Variants in RUNX3 observed in about 807,000 individuals in gnomAD.
The protein encoded by RUNX3 is runt-related transcription factor 3.
In RUNX3, 10 loss-of-function variants were observed where a neutral mutation model predicts 27.7. That is an observed-to-expected ratio of 0.36 (90% CI 0.22 to 0.61). RUNX3 has a LOEUF of 0.61. RUNX3 is among the 20% of genes least tolerant of loss of function. RUNX3 has a pLI of 0.72. For missense variants in RUNX3, 469 were observed against 629.5 expected (o/e 0.75, Z 2.73); for synonymous variants, 270 against 269.2 (o/e 1.00, Z -0.03).
chr1:24,903,999 G>A (rs1039048342), intron 4 of RUNX3, among the ~76,000 whole-genome samples: 6 of 152,214 alleles, frequency 3.9e-5, no homozygotes, highest in African/African-American at 1.4e-4. Flanking sequence ...TGTGGCTGTG[G>A]TGTCTCTTAC....
chr1:24,937,207 C>T (rs920253205), intron 2 of RUNX3, among the ~76,000 whole-genome samples: 36 of 152,328 alleles, frequency 2.4e-4, no homozygotes, highest in African/African-American at 7.9e-4. Flanking sequence ...GAGGCAGGGC[C>T]GGCTTTCTGG....
At chr1:24,959,996 T>A (rs1166246817) in intron 2 of RUNX3, among the ~76,000 whole-genome samples, 1 of 152,176 alleles carries the variant, frequency 6.6e-6, no homozygotes, top group African/African-American at 2.4e-5. Context: ...CTTTGTTACC[T>A]CTTTACCCTT....
intron 3 of RUNX3, among the ~76,000 whole-genome samples, chr1:24,918,485 G>C (rs1640931572): frequency 6.6e-6 from 1 of 152,208 alleles, no homozygotes. Flanking sequence ...GAGAAAGAGA[G>C]GGGTGGGCCA....
At chr1:24,958,667 C>T (rs1642014348) in intron 2 of RUNX3, among the ~76,000 whole-genome samples, 1 of 152,202 alleles carries the variant, frequency 6.6e-6, no homozygotes, top group Admixed American at 6.5e-5. Flanking sequence ...GGCAATCTTT[C>T]TTCCCTCCAC....
chr1:24,910,318 G>C (rs1452445300), intron 3 of RUNX3, among the ~76,000 whole-genome samples: 1 of 151,850 alleles, frequency 6.6e-6, no homozygotes, highest in Admixed American at 6.6e-5. Context: ...AATGTGGGAG[G>C]GGGTAAGGGG....
At chr1:24,939,349 A>G (rs1394046569) in intron 2 of RUNX3, among the ~76,000 whole-genome samples, 2 of 152,250 alleles carry the variant, frequency 1.3e-5, no homozygotes, top group Non-Finnish European at 2.9e-5. Flanking sequence ...GTGCAGCCAC[A>G]GGTGCAAACA....
intron 4 of RUNX3, among the ~76,000 whole-genome samples, chr1:24,906,869 G>T (rs1444524332): frequency 1.3e-5 from 2 of 152,214 alleles, no homozygotes; most frequent in African/African-American, 4.8e-5. Flanking sequence ...AAAATCGCAG[G>T]CTGTGGGGCA....
intron 3 of RUNX3, among the ~76,000 whole-genome samples, chr1:24,914,659 G>A (rs528063362): frequency 3.3e-5 from 5 of 152,248 alleles, no homozygotes; most frequent in Admixed American, 3.3e-4. Context: ...CCTCCTGCTG[G>A]GCAGACTCCG....
intron 4 of RUNX3, among the ~76,000 whole-genome samples, chr1:24,903,988 C>T (rs939977227): frequency 6.6e-6 from 1 of 152,344 alleles, no homozygotes; most frequent in African/African-American, 2.4e-5. Context: ...TGCAAGGCCA[C>T]TGTGGCTGTG....
intron 2 of RUNX3, among the ~76,000 whole-genome samples, chr1:24,953,315 G>A (rs1383702516): frequency 8.0e-6 from 1 of 125,450 alleles, no homozygotes; most frequent in African/African-American, 3.0e-5. Context: ...CAGTGAGTGC[G>A]ATTGCGCCAC....
At position 24,929,710 on chromosome 1, in the gene RUNX3, G is replaced by A; in HGVS notation, c.159C>T (p.Arg53=). 2 of 1,545,284 alleles carry A rather than the reference G, an allele frequency of 1.3e-6. No homozygotes were observed. The highest frequency in any genetic ancestry group is 8.7e-7 in the Non-Finnish European group (1 of 1,155,800). Reference sequence around the variant, plus strand: ...GGTCCGCCAGCACGTCCACCATCGAGCGCACCTCGGGCCGGGCGCGCCCTC... The same window carrying A: ...GGTCCGCCAGCACGTCCACCATCGAACGCACCTCGGGCCGGGCGCGCCCTC... ...GPGGRARPEV[R]SMVDVLADHA... is the part of the protein sequence containing the mutation. Residue 53 remains arginine (R), a synonymous_variant, in exon 1 of 5, where the codon CGC becomes CGT. Transcript: ENST00000308873.
chr1:24,908,131 T>A (rs1240681202), intron 3 of RUNX3, among the ~76,000 whole-genome samples: 2 of 143,018 alleles, frequency 1.4e-5, no homozygotes, highest in Non-Finnish European at 3.1e-5. Context: ...TCCAAACCTC[T>A]ATGACACGCG....
At chr1:24,963,767 C>T (rs569172940) in intron 2 of RUNX3, among the ~76,000 whole-genome samples, 1 of 152,262 alleles carries the variant, frequency 6.6e-6, no homozygotes, top group Non-Finnish European at 1.5e-5. Flanking sequence ...GAAGTCTCCC[C>T]ATGAGTCCCA....
In RUNX3 at chr1:24,929,735, CCGGGCCCCA is replaced by C; in HGVS notation, c.125_133del (p.Val42_Pro44del). On this transcript the variant is annotated inframe_deletion, in exon 1 of 5. Coordinates refer to ENST00000308873, the MANE Select transcript of RUNX3 (RefSeq NM_004350.3). The stretch of plus-strand genomic sequence containing the variant: ...GCGCACCTCGGGCCGGGCGCGCCCT[CCGGGCCCCA>C]CGGCCGCCTGCGCGCTCAGCGCGCC... The C allele has an allele frequency of 1.3e-6, 2 of 1,490,484 alleles. No homozygotes were observed. Among genetic ancestry groups the C allele is most frequent in the Non-Finnish European group, 1.8e-6 (2 of 1,129,482 alleles). The allele number at this position is 1,490,484 out of a possible 1,614,324, so 92.3% of individuals were successfully genotyped here. A position where few individuals can be genotyped will look rare whatever the true frequency, so the allele number is the denominator to read the frequency against.
chr1:24,920,806 C>T (rs1640984063), intron 2 of RUNX3, among the ~76,000 whole-genome samples: 1 of 152,162 alleles, frequency 6.6e-6, no homozygotes, highest in Admixed American at 6.5e-5. Context: ...TGAAGATTTA[C>T]TTTCGACAGT....
intron 2 of RUNX3, among the ~76,000 whole-genome samples, chr1:24,952,260 T>C (rs1003136067): frequency 5.9e-5 from 9 of 152,182 alleles, no homozygotes; most frequent in Admixed American, 5.2e-4. Flanking sequence ...GTGGATCCAA[T>C]AGCTCTCTCT....
Position 24,902,993 on chromosome 1 carries a change from T to TA in RUNX3, c.704-328_704-327insT, listed in dbSNP as rs1640593106. Among the ~76,000 whole-genome samples the TA allele has an allele frequency of 6.6e-6, 1 of 152,162 alleles. No individual in the cohort carries two copies. On this transcript the variant is annotated intron_variant, in intron 4 of 4. Coordinates refer to ENST00000308873, the MANE Select transcript of RUNX3 (RefSeq NM_004350.3). This position sits in a 1 kb window ranked among gnomAD's most constrained non-coding sequence, Gnocchi z 9.2. ...CGCAGAGGAGAGGCCTAGGATGCGG[T>TA]GGTGGGGCTGAGGGCAGAGTCAGCT...
At chr1:24,905,035 G>A (rs1640637531) in intron 4 of RUNX3, among the ~76,000 whole-genome samples, 2 of 152,188 alleles carry the variant, frequency 1.3e-5, no homozygotes, top group South Asian at 2.1e-4. Flanking sequence ...GGGCGGCTGC[G>A]GCTGGGGGCT....
In RUNX3 at chr1:24,902,594, G is replaced by C; in HGVS notation, c.776C>G (p.Thr259Arg). 1 of 1,555,398 alleles carries C rather than the reference G, an allele frequency of 6.4e-7. No individual in the cohort carries two copies. The highest frequency in any genetic ancestry group is 8.7e-7 in the Non-Finnish European group (1 of 1,145,684). The change falls in exon 5 of 5, where the codon ACG (threonine) becomes AGG (arginine). Residue 259 changes from threonine (T) to arginine (R), a missense_variant. By Grantham distance (71) the Thr-to-Arg change is moderately conservative. Transcript: ENST00000308873. This position sits in a 1 kb window ranked among gnomAD's most constrained non-coding sequence, Gnocchi z 9.2. ...DRSFPTLPTL[T>R]ESRFPDPRMH... ...CCTGGGGTCTGGGAAGCGGCTCTCCGTGAGGGTTGGCAGCGTGGGGAAGGA... is the reference window on the plus strand; with the variant it reads ...CCTGGGGTCTGGGAAGCGGCTCTCCCTGAGGGTTGGCAGCGTGGGGAAGGA...
Sources: gnomAD v4.1 joint callset for allele counts (sites outside exome capture counted in the v4.1 genomes callset) on GRCh38, gnomAD v4.1.1 for gene constraint, Gnocchi (gnomAD v3.1) non-coding constraint, MANE v1.5 for transcripts, NCBI Gene and HGNC (gene_info 2026-07-23, HGNC 2026-07-21) for gene names.